Variants in CSMD2 observed in about 807,000 individuals in gnomAD.
CSMD2 encodes CUB and Sushi multiple domains 2.
CSMD2 carries 130 observed loss-of-function variants against 398.5 expected under a neutral mutation model. The observed-to-expected ratio is 0.33, with a 90% CI of 0.28 to 0.38. The LOEUF is 0.38. CSMD2 is among the 10% of genes least tolerant of loss of function. The probability of loss-of-function intolerance (pLI) is 1.00; values close to 1 mark genes in which losing one functional copy is unlikely to be tolerated. For missense variants in CSMD2, 3,829 were observed against 4,764.9 expected, an observed-to-expected ratio of 0.80 and a Z score of 5.78; for synonymous variants, 1,828 against 1,908.5, an observed-to-expected ratio of 0.96 and a Z score of 1.10.
intron 25 of CSMD2, among the ~76,000 whole-genome samples, chr1:33,680,247 T>A (rs1049827178): frequency 5.9e-5 from 9 of 151,914 alleles, no homozygotes; most frequent in African/African-American, 2.2e-4. Context: ...CCCAACCTTT[T>A]ATTTTTAATA....
chr1:33,967,223 CA>C (rs1420453449), intron 3 of CSMD2, among the ~76,000 whole-genome samples: 5 of 144,858 alleles, frequency 3.5e-5, no homozygotes, highest in African/African-American at 1.3e-4. Flanking sequence ...AAGAGGTCAC[CA>C]AAACACTTTT....
intron 26 of CSMD2, 123 bp from the exon 27 acceptor site, chr1:33,658,260 CCATCAT>C (rs536815393): frequency 2.1e-5 from 15 of 724,382 alleles, no homozygotes; most frequent in Non-Finnish European, 3.5e-5. Context: ...CAGAACCTCC[CCATCAT>C]CATCATCAGC....
At chr1:33,914,766 T>C (rs1570488153) in intron 5 of CSMD2, among the ~76,000 whole-genome samples, 1 of 152,224 alleles carries the variant, frequency 6.6e-6, no homozygotes, top group Non-Finnish European at 1.5e-5. Flanking sequence ...TACTGTTATT[T>C]ATGTGTGCTC....
At chr1:33,992,834 G>A (rs1167133082) in intron 3 of CSMD2, among the ~76,000 whole-genome samples, 1 of 146,672 alleles carries the variant, frequency 6.8e-6, no homozygotes, top group Non-Finnish European at 1.5e-5. Flanking sequence ...CCGTGATCGT[G>A]CCACTGCACT....
chr1:33,743,644 C>T, intron 13 of CSMD2, 38 bp from the exon 14 acceptor site: 1 of 1,444,738 alleles, frequency 6.9e-7, no homozygotes, highest in South Asian at 1.3e-5. Context: ...TAAGCATCCC[C>T]AACATTCTGC....
At chr1:33,732,462 A>G (rs537037605) in intron 15 of CSMD2, among the ~76,000 whole-genome samples, 1 of 152,308 alleles carries the variant, frequency 6.6e-6, no homozygotes, top group Admixed American at 6.5e-5. Context: ...TGTCCTCATT[A>G]TAAGAGGAAG....
chr1:33,660,977 G>A (rs559271615), intron 26 of CSMD2, among the ~76,000 whole-genome samples: 7 of 152,306 alleles, frequency 4.6e-5, no homozygotes, highest in African/African-American at 1.7e-4. Flanking sequence ...GGCTATAGCA[G>A]TTTTACTCTG....
chr1:33,857,257 G>A (rs1639165995), intron 5 of CSMD2, among the ~76,000 whole-genome samples: 1 of 152,106 alleles, frequency 6.6e-6, no homozygotes, highest in Non-Finnish European at 1.5e-5. Flanking sequence ...CACATAGCAT[G>A]TGCCCAAAAA....
intron 1 of CSMD2, among the ~76,000 whole-genome samples, chr1:34,090,573 C>T (rs1391926458): frequency 1.3e-5 from 2 of 151,708 alleles, no homozygotes; most frequent in Non-Finnish European, 2.9e-5. Context: ...TGGAATCATG[C>T]CTCCATCTCT....
chr1:34,011,013 T>C (rs927304897), intron 3 of CSMD2, among the ~76,000 whole-genome samples: 3 of 152,160 alleles, frequency 2.0e-5, no homozygotes, highest in Non-Finnish European at 4.4e-5. Flanking sequence ...CTAGGAGGCC[T>C]TCCCTAACCC....
intron 15 of CSMD2, among the ~76,000 whole-genome samples, chr1:33,727,423 GTC>G (rs1272417870): frequency 1.1e-4 from 17 of 152,256 alleles, no homozygotes; most frequent in Admixed American, 7.2e-4. Context: ...CACCACCACT[GTC>G]TCTTCCTGCA....
chr1:34,132,941 CACACACACAA>C (rs1638292271), intron 1 of CSMD2, among the ~76,000 whole-genome samples: 1 of 150,532 alleles, frequency 6.6e-6, no homozygotes, highest in Non-Finnish European at 1.5e-5. Flanking sequence ...AAATTTTATA[CACACACACAA>C]ACACACACAC....
At chr1:33,727,005 C>G (rs1290304095) in intron 15 of CSMD2, among the ~76,000 whole-genome samples, 2 of 152,186 alleles carry the variant, frequency 1.3e-5, no homozygotes, top group African/African-American at 2.4e-5. Flanking sequence ...ACTCAATTGT[C>G]AGGCCTGAGG....
intron 3 of CSMD2, among the ~76,000 whole-genome samples, chr1:34,009,273 C>T (rs1420087683): frequency 6.6e-6 from 1 of 151,814 alleles, no homozygotes; most frequent in African/African-American, 2.4e-5. Context: ...ATTTTAATGT[C>T]CTATAAGAGG....
intron 13 of CSMD2, among the ~76,000 whole-genome samples, chr1:33,757,304 T>C (rs1649175246): frequency 6.6e-6 from 1 of 151,566 alleles, no homozygotes; most frequent in African/African-American, 2.4e-5. Context: ...ACTTAAAGTA[T>C]AATAATAAAA....
In CSMD2 at chr1:33,743,493, T is replaced by TGG; in HGVS notation, c.1959_1960insCC (p.Ser654ProfsTer86). The TGG allele has an allele frequency of 6.2e-7, 1 of 1,614,072 alleles. No individual in the cohort carries two copies. The highest frequency in any genetic ancestry group is 8.5e-7 in the Non-Finnish European group (1 of 1,180,028). ...TCGTTGAAGGCCAGGTGGATGCGGC[T>TGG]CTCAGGCCTGGCCAGGATGAGCCAG... On this transcript the variant is annotated frameshift_variant, in exon 14 of 71. Transcript: ENST00000373381. LOFTEE classifies it high-confidence loss of function.
At chr1:33,842,334 A>G (rs1447407153) in intron 6 of CSMD2, among the ~76,000 whole-genome samples, 1 of 152,104 alleles carries the variant, frequency 6.6e-6, no homozygotes, top group African/African-American at 2.4e-5. Context: ...CATTTTCTCA[A>G]TTTGGATTCT....
chr1:33,836,584 C>T (rs1660294021), intron 6 of CSMD2, among the ~76,000 whole-genome samples: 1 of 152,204 alleles, frequency 6.6e-6, no homozygotes, highest in Non-Finnish European at 1.5e-5. Flanking sequence ...CCCCTAGCCT[C>T]GCTGCCACCT....
At chr1:33,619,821 TA>T (rs551455578) in intron 37 of CSMD2, among the ~76,000 whole-genome samples, 1 of 151,946 alleles carries the variant, frequency 6.6e-6, no homozygotes, top group African/African-American at 2.4e-5. Context: ...GGACAAGCAT[TA>T]AAAAAAACCC....
Sources: gnomAD v4.1 joint callset for allele counts (sites outside exome capture counted in the v4.1 genomes callset) on GRCh38, gnomAD v4.1.1 for gene constraint, MANE v1.5 for transcripts, NCBI Gene and HGNC (gene_info 2026-07-23, HGNC 2026-07-21) for gene names.